The following MGAT5B variants were observed in gnomAD, a reference collection of about 807,000 sequenced individuals.
The protein encoded by MGAT5B is alpha-1,6-mannosylglycoprotein 6-beta-N-acetylglucosaminyltransferase B, also known as N-acetylglucosaminyl-transferase Vb.
Under a neutral mutation model 95.1 loss-of-function variants are expected in MGAT5B, and 54 were observed. The ratio of observed to expected loss-of-function variants is 0.57; its 90% confidence interval spans 0.46 to 0.71. The LOEUF (loss-of-function observed/expected upper bound fraction) is 0.71. MGAT5B is among the 30% of genes least tolerant of loss of function. The pLI, the probability that MGAT5B is intolerant of heterozygous loss-of-function variation, is 0.00. For missense variants in MGAT5B, 935 were observed against 1,088.6 expected (o/e 0.86, Z 1.99); for synonymous variants, 464 against 451.0 (o/e 1.03, Z -0.36).
chr17:76,929,583 CA>C (rs753870527), intron 10 of MGAT5B, among the ~76,000 whole-genome samples: 4 of 152,196 alleles, frequency 2.6e-5, no homozygotes, highest in Admixed American at 6.5e-5. Context: ...TGGTTTATCT[CA>C]ATCTCTCTGG....
intron 16 of MGAT5B, 61 bp from the exon 17 acceptor site, chr17:76,947,769 G>T: frequency 6.7e-7 from 1 of 1,487,036 alleles, no homozygotes; most frequent in East Asian, 2.4e-5. Context: ...ACACCTTCAG[G>T]TGTCTCCCAG....
rs935820462 is a variant in MGAT5B at position 76,905,955 on chromosome 17, CG to C, written c.856-56del. ...CCGGCTGGTCTCCTGGCCGGTGCCC[CG>C]GGGGGGCGGGGCTCAGAGCTGCTGC... On this transcript the variant is annotated intron_variant, in intron 7 of 17. Transcript: ENST00000569840. This position sits in a 1 kb window ranked among gnomAD's most constrained non-coding sequence, Gnocchi z 4.2. 1.1e-5 allele frequency: 16 copies of C among 1,494,810 alleles called. No individual in the cohort carries two copies. The highest frequency in any genetic ancestry group is 4.7e-5 in the Admixed American group (2 of 42,638). The allele number at this position is 1,494,810 out of a possible 1,614,324, so 92.6% of individuals were successfully genotyped here. A position where few individuals can be genotyped will look rare whatever the true frequency, so the allele number is the denominator to read the frequency against.
intron 9 of MGAT5B, among the ~76,000 whole-genome samples, chr17:76,925,770 G>T (rs1384956039): frequency 1.3e-5 from 2 of 152,212 alleles, no homozygotes; most frequent in Admixed American, 1.3e-4. Context: ...GCACTCTGCA[G>T]ACAATTCTGG....
chr17:76,880,088 C>T (rs1276592749), intron 2 of MGAT5B, among the ~76,000 whole-genome samples: 1 of 152,168 alleles, frequency 6.6e-6, no homozygotes, highest in African/African-American at 2.4e-5. Context: ...TGCTTCAGCT[C>T]TTGGGGTGGG....
At chr17:76,887,431 TTCCCTCCCTCCCTCCCTTCCTTCC>T (rs1171969774) in intron 3 of MGAT5B, among the ~76,000 whole-genome samples, 34 of 132,912 alleles carry the variant, frequency 2.6e-4, no homozygotes, top group African/African-American at 5.5e-4. Flanking sequence ...GGGTCTTTCT[TTCCCTCCCTCCCTCCCTTCCTTCC>T]TCCCTCCCTC....
In MGAT5B at chr17:76,906,228, G is replaced by C; in HGVS notation, c.1025+41G>C. ...AGCCACTGGCATTAAGTGGGGCAGG[G>C]AGGGGATGAAGGGGAACCCCACCCC... is the stretch of plus-strand genomic sequence containing the variant. On this transcript the variant is annotated intron_variant, in intron 8 of 17. Transcript: ENST00000569840. The surrounding 1 kb of genome is among the most constrained non-coding windows in gnomAD (Gnocchi z 4.6). The C allele has an allele frequency of 6.4e-7, 1 of 1,560,648 alleles. No homozygotes were observed. Among genetic ancestry groups the C allele is most frequent in the Non-Finnish European group, 8.6e-7 (1 of 1,160,462 alleles).
intron 12 of MGAT5B, among the ~76,000 whole-genome samples, chr17:76,937,008 T>G (rs993426051): frequency 6.6e-6 from 1 of 151,982 alleles, no homozygotes; most frequent in Non-Finnish European, 1.5e-5. Context: ...TTCAATGTTT[T>G]TTTTTTTTTT....
intron 2 of MGAT5B, among the ~76,000 whole-genome samples, chr17:76,874,899 G>T (rs1381669090): frequency 6.6e-6 from 1 of 152,136 alleles, no homozygotes; most frequent in African/African-American, 2.4e-5. Context: ...CTTGCCCAAG[G>T]TCATACAATT....
At chr17:76,948,212 A>G (rs1407856577) in intron 17 of MGAT5B, 126 bp downstream of exon 17, 4 of 1,436,966 alleles carry the variant, frequency 2.8e-6, no homozygotes, top group African/African-American at 1.4e-5. Context: ...ATGCTTTCCA[A>G]TGAGTCAGGA....
intron 12 of MGAT5B, among the ~76,000 whole-genome samples, chr17:76,933,917 G>A (rs115693733): frequency 1.3e-5 from 2 of 152,088 alleles, no homozygotes; most frequent in Non-Finnish European, 2.9e-5. Context: ...ACAGGTATTA[G>A]AGTCATTATA....
At chr17:76,919,162 C>G (rs1252975011) in intron 8 of MGAT5B, among the ~76,000 whole-genome samples, 1 of 152,180 alleles carries the variant, frequency 6.6e-6, no homozygotes, top group Non-Finnish European at 1.5e-5. Context: ...GAATTCCTAG[C>G]CGAGGGTTTC....
intron 12 of MGAT5B, among the ~76,000 whole-genome samples, chr17:76,936,266 C>T (rs1035893533): frequency 2.0e-5 from 3 of 152,044 alleles, no homozygotes; most frequent in Admixed American, 6.6e-5. Context: ...AGATTAGCCA[C>T]GTGTGGTGGC....
chr17:76,919,320 G>C (rs1969047619), intron 8 of MGAT5B, among the ~76,000 whole-genome samples: 1 of 152,202 alleles, frequency 6.6e-6, no homozygotes. Context: ...GGAGTCCCAG[G>C]CAGGTGGGGA....
At chr17:76,898,599 G>C (rs1049917065) in intron 3 of MGAT5B, among the ~76,000 whole-genome samples, 1 of 152,074 alleles carries the variant, frequency 6.6e-6, no homozygotes, top group East Asian at 1.9e-4. Flanking sequence ...CACTGTGCCC[G>C]GCCCATAATC....
chr17:76,902,730 G>A, intron 4 of MGAT5B, 60 bp downstream of exon 4: 3 of 1,250,950 alleles, frequency 2.4e-6, no homozygotes, highest in Non-Finnish European at 3.4e-6. Context: ...CTGGGTGCTG[G>A]GTGGGCCCTG....
chr17:76,900,506 CAG>C lies in MGAT5B; in HGVS notation c.330-2048_330-2047del, dbSNP rs1968266985. ...AGAGGAAAGTGGACACAGACACACA[CAG>C]GGGAGAAGGCCGTGTGAAGGCGGAG... is the stretch of plus-strand genomic sequence containing the variant. On this transcript the variant is annotated intron_variant, in intron 3 of 17. Transcript: ENST00000569840. 2.6e-5 allele frequency among the ~76,000 whole-genome samples: 4 copies of C among 152,208 alleles called. No homozygotes were observed. In the South Asian group the frequency reaches 8.3e-4, roughly 32 times the overall value.
At position 76,926,615 on chromosome 17, in the gene MGAT5B, C is replaced by T. The variant is rs745399922; in HGVS notation, c.1176C>T (p.Ile392=). Residue 392 remains isoleucine (I), a synonymous_variant, in exon 10 of 18, where the codon ATC becomes ATT. Transcript: ENST00000569840. ...GGGGCAGGTGCCGAATCAGGGTCAT[C>T]GACACCTTCGGGACGGAACCTGCGT... ...FKKYRCRIRV[I]DTFGTEPAYN... The T allele has an allele frequency of 3.2e-5, 51 of 1,612,072 alleles. No homozygotes were observed. In the East Asian group the frequency reaches 5.1e-4, roughly 16 times the overall value.
chr17:76,869,039 G>A lies in MGAT5B; in HGVS notation c.10G>A (p.Val4Ile). MIT[V>I]NPDGKIMVRR... ...CCAACAAGTTTGAACAATGATCACC[G>A]TCAACCCCGATGGGAAGATAATGGT... Residue 4 changes from valine (V) to isoleucine (I), a missense_variant, in exon 1 of 18, where the codon GTC becomes ATC. Physicochemically the swap from Val to Ile is conservative, Grantham distance 29. Around this residue, in one of 4 missense-constraint regions of MGAT5B, gnomAD observed 243 missense variants for 228.2 expected, o/e 1.06. Coordinates refer to ENST00000569840, the MANE Select transcript of MGAT5B (RefSeq NM_001199172.2). This position sits in a 1 kb window ranked among gnomAD's most constrained non-coding sequence, Gnocchi z 7.0. 6.2e-7 allele frequency: 1 copy of A among 1,613,982 alleles called. No individual in the cohort carries two copies. Among genetic ancestry groups the A allele is most frequent in the Non-Finnish European group, 8.5e-7 (1 of 1,179,906 alleles).
chr17:76,901,964 A>G (rs1382143116), intron 3 of MGAT5B, among the ~76,000 whole-genome samples: 1 of 152,262 alleles, frequency 6.6e-6, no homozygotes. Flanking sequence ...ATAGGGTCAC[A>G]TGTGCAGATA....
Sources: gnomAD v4.1 joint callset for allele counts (sites outside exome capture counted in the v4.1 genomes callset) on GRCh38, gnomAD v4.1.1 for gene constraint, gnomAD v4.1.1 regional missense constraint, Gnocchi (gnomAD v3.1) non-coding constraint, MANE v1.5 for transcripts, NCBI Gene and HGNC (gene_info 2026-07-23, HGNC 2026-07-21) for gene names.